Variants in PTGR2 observed in about 807,000 individuals in gnomAD.
PTGR2 encodes 15-oxoprostaglandin 13-reductase.
A neutral mutation model predicts 43.4 loss-of-function variants in PTGR2; 32 were observed. The ratio of observed to expected loss-of-function variants is 0.74; its 90% CI spans 0.56 to 0.99. PTGR2 has a LOEUF of 0.99. PTGR2 is among the 50% of genes least tolerant of loss of function. The pLI is 0.00. For missense variants in PTGR2, 373 were observed against 420.0 expected, an observed-to-expected ratio of 0.89 and a Z score of 0.98; for synonymous variants, 106 against 139.2, an observed-to-expected ratio of 0.76 and a Z score of 1.68.
At chr14:73,873,646 C>T (rs2336563) in intron 3 of PTGR2, among the ~76,000 whole-genome samples, 74,092 of 151,302 alleles carry the variant, frequency 0.49, 18,348 homozygotes, top group South Asian at 0.61. Context: ...TGTATTTTTG[C>T]AGAGATGGGG....
At chr14:73,862,036 C>A (rs1485175331) in intron 3 of PTGR2, among the ~76,000 whole-genome samples, 3 of 151,792 alleles carry the variant, frequency 2.0e-5, no homozygotes, top group Non-Finnish European at 4.4e-5. Context: ...CACCACCACA[C>A]CCAGCTAATT....
intron 1 of PTGR2, among the ~76,000 whole-genome samples, chr14:73,856,626 TC>T (rs1259990058): frequency 2.0e-5 from 3 of 152,242 alleles, no homozygotes; most frequent in African/African-American, 7.2e-5. Flanking sequence ...ACCATCGTGT[TC>T]CAGTTGTCTG....
intron 1 of PTGR2, chr14:73,858,069 A>G (rs1247901365): frequency 1.3e-5 from 2 of 152,120 alleles, no homozygotes; most frequent in African/African-American, 4.8e-5. Flanking sequence ...ATTTAAAAAC[A>G]AGTGCAGTAT....
Position 73,884,081 on chromosome 14 carries a change from C to T in PTGR2, c.980-20C>T. On this transcript the variant is annotated intron_variant, in intron 9 of 9. Transcript: ENST00000555661. Reference sequence around the variant, plus strand: ...TAGTGACATTTATCTTTTCAGATAACCTACTTTCTCTTTTTCCAGCTGCAT... The same window carrying T: ...TAGTGACATTTATCTTTTCAGATAATCTACTTTCTCTTTTTCCAGCTGCAT... 6.6e-7 allele frequency: 1 copy of T among 1,513,338 alleles called. No individual in the cohort carries two copies. The highest frequency in any genetic ancestry group is 2.3e-5 in the East Asian group (1 of 43,864). 93.7% of individuals were successfully genotyped at this position (1,513,338 alleles called of 1,614,324 possible). A position where few individuals can be genotyped will look rare whatever the true frequency, so the allele number is the denominator to read the frequency against.
chr14:73,878,698 A>G, intron 5 of PTGR2: 4 of 405,168 alleles, frequency 9.9e-6, no homozygotes, highest in South Asian at 8.3e-5. Flanking sequence ...CTGGTACTCT[A>G]CGGTGTACTG....
rs184391844 is a variant in PTGR2 at position 73,875,221 on chromosome 14, C to T, written c.348+1007C>T. Among the ~76,000 whole-genome samples the T allele has an allele frequency of 2.6e-5, 4 of 152,044 alleles. No individual in the cohort carries two copies. The East Asian group carries it at 7.7e-4, about 29-fold the overall frequency. On this transcript the variant is annotated intron_variant, in intron 4 of 9. Transcript: ENST00000555661. The stretch of plus-strand genomic sequence containing the variant: ...CCATGTTGCCCAGGCTGGTCTTGAA[C>T]TCCTGGCCTCAACCGATCCTCCCGC...
chr14:73,863,320 T>C (rs1376834065), intron 3 of PTGR2, among the ~76,000 whole-genome samples: 1 of 152,094 alleles, frequency 6.6e-6, no homozygotes, highest in Non-Finnish European at 1.5e-5. Flanking sequence ...TTTTTTGTTG[T>C]TTTTAAGAGA....
intron 3 of PTGR2, chr14:73,861,814 T>G (rs1018766826): frequency 1.3e-5 from 2 of 152,138 alleles, no homozygotes; most frequent in African/African-American, 2.4e-5. Context: ...TGTTAACTGT[T>G]TCATAGGTTG....
chr14:73,871,290 G>A (rs867175735), intron 3 of PTGR2, among the ~76,000 whole-genome samples: 22 of 146,932 alleles, frequency 1.5e-4, no homozygotes, highest in Middle Eastern at 3.7e-3. Flanking sequence ...GAAACTCCAC[G>A]CCTTTTCCCA....
At chr14:73,878,997 T>G in intron 5 of PTGR2, 99 bp from the exon 6 acceptor site, 6 of 957,506 alleles carry the variant, frequency 6.3e-6, no homozygotes, top group Non-Finnish European at 7.8e-6. Context: ...TTAATTGTAA[T>G]GAACACTGTC....
intron 1 of PTGR2, among the ~76,000 whole-genome samples, chr14:73,855,912 C>T (rs1275621031): frequency 3.3e-5 from 5 of 150,748 alleles, no homozygotes; most frequent in East Asian, 2.1e-4. Context: ...AAAAATTAGC[C>T]GGGCATGGTG....
chr14:73,852,248 G>A (rs1379695078), intron 1 of PTGR2: 1 of 151,870 alleles, frequency 6.6e-6, no homozygotes, highest in Non-Finnish European at 1.5e-5. Context: ...CCGGGCATAG[G>A]GGATTGGACT....
At chr14:73,875,793 C>T (rs2054847859) in intron 4 of PTGR2, among the ~76,000 whole-genome samples, 3 of 117,104 alleles carry the variant, frequency 2.6e-5, no homozygotes, top group Middle Eastern at 4.7e-3. Flanking sequence ...TATTTTGTCT[C>T]TTACATGGGA....
intron 7 of PTGR2, among the ~76,000 whole-genome samples, chr14:73,880,611 C>G (rs1404054132): frequency 1.3e-5 from 2 of 149,872 alleles, no homozygotes; most frequent in Non-Finnish European, 3.0e-5. Flanking sequence ...CAAAAAAAAA[C>G]CTTTAAAATA....
intron 9 of PTGR2, among the ~76,000 whole-genome samples, chr14:73,882,779 C>T (rs544989754): frequency 2.9e-4 from 37 of 126,060 alleles, no homozygotes; most frequent in African/African-American, 9.4e-4. Context: ...GGATTACAAG[C>T]GTGAGCCACC....
In PTGR2 at chr14:73,853,142, A is replaced by C. The variant is rs570935838; in HGVS notation, c.-48+1199A>C. ...GGCCCAGAAAGATACGTTTTATAACAAGGCGTGGTCAACAGGGTTGCTAGT... is the reference window on the plus strand; with the variant it reads ...GGCCCAGAAAGATACGTTTTATAACCAGGCGTGGTCAACAGGGTTGCTAGT... On this transcript the variant is annotated intron_variant, in intron 1 of 9. Coordinates refer to ENST00000555661, the MANE Select transcript of PTGR2 (RefSeq NM_001146154.2). Among the ~76,000 whole-genome samples the C allele has an allele frequency of 2.0e-5, 3 of 152,190 alleles. No individual in the cohort carries two copies. The East Asian group carries it at 5.8e-4, about 30-fold the overall frequency.
intron 5 of PTGR2, chr14:73,877,527 A>C (rs2140270869): frequency 6.3e-6 from 1 of 159,260 alleles, no homozygotes; most frequent in South Asian, 1.9e-4. Flanking sequence ...GGCCTCCCAA[A>C]GTTCTGGGAT....
chr14:73,867,003 T>C (rs375863271), intron 3 of PTGR2, among the ~76,000 whole-genome samples: 3 of 147,346 alleles, frequency 2.0e-5, no homozygotes, highest in Admixed American at 6.9e-5. Flanking sequence ...GCAAGAGAAT[T>C]GTTTGAACCC....
chr14:73,853,491 T>C (rs1401537893), intron 1 of PTGR2, among the ~76,000 whole-genome samples: 2 of 151,912 alleles, frequency 1.3e-5, no homozygotes, highest in African/African-American at 4.8e-5. Context: ...CCGGGCTGAT[T>C]TTTGTATTTT....
Sources: allele counts gnomAD v4.1 joint callset (sites outside exome capture counted in the v4.1 genomes callset), GRCh38; gene constraint gnomAD v4.1.1; transcripts MANE v1.5; gene names NCBI Gene and HGNC (gene_info 2026-07-23, HGNC 2026-07-21).